Variants in ESPNL observed in about 807,000 individuals in gnomAD.
The protein encoded by ESPNL is espin-like protein.
ESPNL carries 49 observed loss-of-function variants against 46.8 expected under a neutral mutation model. That is an observed-to-expected ratio of 1.05 (90% CI 0.83 to 1.33). ESPNL has a LOEUF of 1.33. ESPNL is among the 40% of genes most tolerant of loss of function. The pLI is 0.00. For synonymous variants in ESPNL, 664 were observed against 662.1 expected, an observed-to-expected ratio of 1.00 and a Z score of -0.04; for missense variants, 1,540 against 1,436.6, an observed-to-expected ratio of 1.07 and a Z score of -1.16.
chr2:238,131,430 G>A lies in ESPNL; in HGVS notation c.2716G>A (p.Asp906Asn), dbSNP rs759611695. Residue 906 changes from aspartate to asparagine, a missense_variant, in exon 9 of 9, where the codon GAC becomes AAC. Transcript: ENST00000343063. ...AVRAFHKAVT[D>N]EVAAGRRAWT... ...GCGCGCCTTCCACAAGGCCGTGACC[G>A]ACGAGGTGGCCGCCGGCCGCCGGGC... 5.6e-6 allele frequency: 9 copies of A among 1,608,818 alleles called. No individual in the cohort carries two copies. The highest frequency in any genetic ancestry group is 3.3e-5 in the Admixed American group (2 of 59,756).
intron 2 of ESPNL, 96 bp from the exon 3 acceptor site, chr2:238,104,560 G>C (rs991406047): frequency 6.8e-6 from 9 of 1,317,690 alleles, no homozygotes; most frequent in Non-Finnish European, 9.1e-6. Flanking sequence ...CAGTCATCAC[G>C]GGCAGGGCCA....
At position 238,127,683 on chromosome 2, in the gene ESPNL, G is replaced by C; in HGVS notation, c.1164G>C (p.Met388Ile). The C allele has an allele frequency of 6.2e-7, 1 of 1,612,530 alleles. No individual in the cohort carries two copies. Among genetic ancestry groups the C allele is most frequent in the South Asian group, 1.1e-5 (1 of 90,698 alleles). Residue 388 changes from methionine to isoleucine, a missense_variant, in exon 7 of 9, where the codon ATG becomes ATC. By Grantham distance (10) the Met-to-Ile change is conservative. Coordinates refer to ENST00000343063, the MANE Select transcript of ESPNL (RefSeq NM_194312.4). The part of the protein sequence containing the change: ...HPDQPLPREQ[M>I]TSPAPPRIIT... ...ACCAGCCTCTTCCCAGGGAGCAGAT[G>C]ACCAGCCCGGCCCCTCCGAGGATCA...
chr2:238,101,349 C>T (rs1406611303), intron 1 of ESPNL, among the ~76,000 whole-genome samples: 2 of 152,194 alleles, frequency 1.3e-5, no homozygotes, highest in Non-Finnish European at 2.9e-5. Context: ...GGAAGGTTCC[C>T]CAGCACCTGG....
intron 4 of ESPNL, among the ~76,000 whole-genome samples, chr2:238,115,354 C>T (rs1029311887): frequency 6.6e-6 from 1 of 152,174 alleles, no homozygotes. Flanking sequence ...AGGTGAGTGT[C>T]GGTAGGGGCC....
intron 6 of ESPNL, among the ~76,000 whole-genome samples, chr2:238,126,222 C>CTGTG (rs56118246): frequency 0.83 from 125,260 of 150,170 alleles, 52,284 homozygotes; most frequent in African/African-American, 0.85. Flanking sequence ...GTGATTGTGT[C>CTGTG]TGTGTCTGTA....
intron 6 of ESPNL, among the ~76,000 whole-genome samples, chr2:238,126,083 T>C (rs1692103295): frequency 6.6e-6 from 1 of 151,920 alleles, no homozygotes; most frequent in African/African-American, 2.4e-5. Flanking sequence ...TGTGTGTCTG[T>C]GTGTGACTAT....
chr2:238,106,966 A>T (rs930783742), intron 3 of ESPNL, among the ~76,000 whole-genome samples: 3 of 152,192 alleles, frequency 2.0e-5, no homozygotes, highest in African/African-American at 7.2e-5. Flanking sequence ...AGGCACTCAC[A>T]CCGAAGGCGA....
At chr2:238,115,447 T>G (rs1374335096) in intron 4 of ESPNL, among the ~76,000 whole-genome samples, 2 of 152,194 alleles carry the variant, frequency 1.3e-5, no homozygotes, top group East Asian at 3.8e-4. Flanking sequence ...GCTGGCCAAG[T>G]TCTCTGACCA....
chr2:238,130,444 C>T lies in ESPNL; in HGVS notation c.1730C>T (p.Ala577Val), dbSNP rs372170956. 47 of 1,604,818 alleles carry T rather than the reference C, an allele frequency of 2.9e-5. No individual in the cohort carries two copies. The highest frequency in any genetic ancestry group is 7.8e-5 in the South Asian group (7 of 89,762). The change falls in exon 9 of 9, where the codon GCG (alanine) becomes GTG (valine). Residue 577 changes from alanine (A) to valine (V), a missense_variant. Ala to Val is a moderately conservative substitution (Grantham distance 64). Transcript: ENST00000343063. ...SIPAAEPAGS[A>V]EASEVAPGVQ... is the part of the protein sequence containing the mutation. ...CCAGCGGCTGAGCCCGCAGGGTCTG[C>T]GGAGGCCTCAGAGGTGGCCCCCGGG...
At chr2:238,112,796 A>G in intron 4 of ESPNL, among the ~76,000 whole-genome samples, 1 of 152,160 alleles carries the variant, frequency 6.6e-6, no homozygotes, top group African/African-American at 2.4e-5. Context: ...CCTTCTAGTT[A>G]TCTATTTGTT....
chr2:238,128,552 G>A (rs892690388), intron 7 of ESPNL, among the ~76,000 whole-genome samples, 155 bp from the exon 8 acceptor site: 1 of 152,166 alleles, frequency 6.6e-6, no homozygotes, highest in Non-Finnish European at 1.5e-5. Flanking sequence ...GGATGAGGGG[G>A]TGGGGTGCTG....
chr2:238,129,671 T>C (rs1692236907), intron 8 of ESPNL, among the ~76,000 whole-genome samples: 3 of 152,250 alleles, frequency 2.0e-5, no homozygotes, highest in African/African-American at 4.8e-5. Context: ...TCAAGATGAT[T>C]GAGTTCTGTG....
At chr2:238,112,787 C>T (rs562584440) in intron 4 of ESPNL, among the ~76,000 whole-genome samples, 12 of 152,244 alleles carry the variant, frequency 7.9e-5, no homozygotes, top group African/African-American at 2.9e-4. Context: ...GAAGGTGTTC[C>T]TTCTAGTTAT....
chr2:238,101,907 C>A (rs532292983), intron 1 of ESPNL, 34 bp from the exon 2 acceptor site: 4 of 1,544,512 alleles, frequency 2.6e-6, no homozygotes, highest in South Asian at 1.2e-5. Context: ...TCACGGCCTA[C>A]CCCCCACTCA....
At chr2:238,113,760 C>A (rs1280008357) in intron 4 of ESPNL, among the ~76,000 whole-genome samples, 1 of 152,116 alleles carries the variant, frequency 6.6e-6, no homozygotes, top group Non-Finnish European at 1.5e-5. Flanking sequence ...TTGGCCACAT[C>A]GGGAGGTGGT....
intron 5 of ESPNL, among the ~76,000 whole-genome samples, chr2:238,122,760 C>T (rs1229521971): frequency 6.6e-6 from 1 of 152,188 alleles, no homozygotes; most frequent in Admixed American, 6.5e-5. Flanking sequence ...ATCCCACTCC[C>T]GGCTTGGTCC....
rs771454930 is a variant in ESPNL, at chr2:238,130,360, C to T, written c.1646C>T (p.Thr549Met). 33 of 1,610,244 alleles carry T rather than the reference C, an allele frequency of 2.0e-5. No individual in the cohort carries two copies. The highest frequency in any genetic ancestry group is 3.3e-5 in the South Asian group (3 of 90,676). ...ALLPEPLVSI[T>M]VNSHFLPRAP... ...CTGCCCGAGCCCCTGGTCAGCATCACGGTCAACAGCCACTTCCTGCCCCGG... is the reference window on the plus strand; with the variant it reads ...CTGCCCGAGCCCCTGGTCAGCATCATGGTCAACAGCCACTTCCTGCCCCGG... Residue 549 changes from threonine to methionine, a missense_variant, in exon 9 of 9, where the codon ACG becomes ATG. Transcript: ENST00000343063.
chr2:238,104,428 AG>A (rs1056798576), intron 2 of ESPNL, among the ~76,000 whole-genome samples: 1 of 152,240 alleles, frequency 6.6e-6, no homozygotes, highest in African/African-American at 2.4e-5. Flanking sequence ...TGCGTGTTTC[AG>A]ACCTGGACCC....
chr2:238,127,119 G>T (rs1230522264), intron 6 of ESPNL, among the ~76,000 whole-genome samples: 4 of 151,434 alleles, frequency 2.6e-5, no homozygotes. Context: ...TGATGTGATT[G>T]TGTCTGTGTC....
Sources: allele counts gnomAD v4.1 joint callset (sites outside exome capture counted in the v4.1 genomes callset), GRCh38; gene constraint gnomAD v4.1.1; transcripts MANE v1.5; gene names NCBI Gene and HGNC (gene_info 2026-07-23, HGNC 2026-07-21).